Variants in CNTNAP2 observed in about 807,000 individuals in gnomAD.
The protein encoded by CNTNAP2 is contactin associated protein 2.
A neutral mutation model predicts 155.2 loss-of-function variants in CNTNAP2; 98 were observed. The observed-to-expected ratio is 0.63, with a 90% CI of 0.54 to 0.75. The LOEUF is 0.75. Ranked by LOEUF, CNTNAP2 falls within the 30% of genes least tolerant of loss-of-function variation. The pLI, the probability that CNTNAP2 is intolerant of heterozygous loss-of-function variation, is 0.00. For missense variants in CNTNAP2, 1,727 were observed against 1,688.1 expected (o/e 1.02, Z -0.40); for synonymous variants, 651 against 631.2 (o/e 1.03, Z -0.47).
At chr7:146,955,995 T>A (rs1235078753) in intron 3 of CNTNAP2, among the ~76,000 whole-genome samples, 4 of 151,910 alleles carry the variant, frequency 2.6e-5, no homozygotes, top group Non-Finnish European at 1.5e-5. Context: ...ATGTATACGT[T>A]TTTTTTCATT....
At chr7:147,462,726 G>C (rs1798045829) in intron 10 of CNTNAP2, among the ~76,000 whole-genome samples, 1 of 152,282 alleles carries the variant, frequency 6.6e-6, no homozygotes, top group Non-Finnish European at 1.5e-5. Context: ...GCTTAGTTGA[G>C]TATTCACATA....
Position 148,415,828 on chromosome 7 carries a change from C to A in CNTNAP2, c.*212C>A. ...TTTCTTTATAGCTGAGTTTTCCCTT[C>A]TGTATCAAAACAAAATAATACAAAA... is the stretch of plus-strand genomic sequence containing the variant. On this transcript the variant is annotated 3_prime_UTR_variant, in exon 24 of 24. Transcript: ENST00000361727. The A allele has an allele frequency of 1.6e-6, 1 of 617,412 alleles. No individual in the cohort carries two copies. The allele number at this position is 617,412 out of a possible 1,614,324, so 38.2% of individuals were successfully genotyped here. A position where few individuals can be genotyped will look rare whatever the true frequency, so the allele number is the denominator to read the frequency against.
intron 8 of CNTNAP2, among the ~76,000 whole-genome samples, chr7:147,144,275 T>C (rs1388522868): frequency 1.3e-5 from 2 of 152,174 alleles, no homozygotes; most frequent in African/African-American, 4.8e-5. Context: ...TAGAGTAACT[T>C]TATACGAGAC....
chr7:147,544,012 A>G (rs1274615624), intron 11 of CNTNAP2, among the ~76,000 whole-genome samples: 4 of 152,158 alleles, frequency 2.6e-5, no homozygotes, highest in Admixed American at 6.5e-5. Context: ...AATATTCTTC[A>G]TGTCATGGAA....
At chr7:147,772,842 GT>G (rs1256897629) in intron 13 of CNTNAP2, among the ~76,000 whole-genome samples, 2 of 151,936 alleles carry the variant, frequency 1.3e-5, no homozygotes, top group Non-Finnish European at 2.9e-5. Context: ...AACTCCAACG[GT>G]TCTCACACAA....
At chr7:147,519,444 G>T (rs530265271) in intron 11 of CNTNAP2, among the ~76,000 whole-genome samples, 2 of 152,278 alleles carry the variant, frequency 1.3e-5, no homozygotes, top group South Asian at 4.1e-4. Context: ...AATCACATCT[G>T]CAAAATCCCT....
At chr7:146,886,492 C>A (rs192178076) in intron 3 of CNTNAP2, among the ~76,000 whole-genome samples, 3 of 152,090 alleles carry the variant, frequency 2.0e-5, no homozygotes, top group Non-Finnish European at 4.4e-5. Flanking sequence ...CTAATCTTTG[C>A]CTCACAGATC....
intron 13 of CNTNAP2, among the ~76,000 whole-genome samples, chr7:147,848,756 T>C (rs1327941729): frequency 1.3e-5 from 2 of 151,992 alleles, no homozygotes; most frequent in Non-Finnish European, 2.9e-5. Flanking sequence ...CTGAAATAGT[T>C]CCAAATTACA....
At chr7:148,317,247 C>T (rs758898692) in intron 21 of CNTNAP2, among the ~76,000 whole-genome samples, 20 of 151,994 alleles carry the variant, frequency 1.3e-4, no homozygotes, top group Non-Finnish European at 2.4e-4. Context: ...CCCAGCTACT[C>T]GGGAGACTGA....
intron 21 of CNTNAP2, among the ~76,000 whole-genome samples, chr7:148,323,008 G>T (rs1297375728): frequency 6.6e-6 from 1 of 151,900 alleles, no homozygotes; most frequent in Non-Finnish European, 1.5e-5. Flanking sequence ...ATTCTTAGTG[G>T]CATTCATTTG....
Position 147,043,973 on chromosome 7 carries a change from C to G in CNTNAP2, c.469C>G (p.Arg157Gly), listed in dbSNP as rs577930923. 6.2e-7 allele frequency: 1 copy of G among 1,614,188 alleles called. No individual in the cohort carries two copies. The highest frequency in any genetic ancestry group is 8.5e-7 in the Non-Finnish European group (1 of 1,180,028). ...CGAATTACAGCATCCGATTATTGCC[C>G]GCTATGTGCGCATAGTGCCTCTGGA... ...RHELQHPIIA[R>G]YVRIVPLDWN... Residue 157 changes from arginine to glycine, a missense_variant, in exon 4 of 24, where the codon CGC (arginine) becomes GGC (glycine). Transcript: ENST00000361727.
At chr7:147,111,111 T>C (rs1259376173) in intron 5 of CNTNAP2, among the ~76,000 whole-genome samples, 2 of 152,232 alleles carry the variant, frequency 1.3e-5, no homozygotes, top group Non-Finnish European at 2.9e-5. Flanking sequence ...TTGATTTGCA[T>C]TTCTCTAATG....
chr7:147,938,224 C>CT (rs1166304314), intron 14 of CNTNAP2, among the ~76,000 whole-genome samples: 2 of 152,066 alleles, frequency 1.3e-5, no homozygotes, highest in Admixed American at 1.3e-4. Flanking sequence ...TGGGTCAACT[C>CT]TCAGCACTCG....
At chr7:147,701,552 G>A (rs914965981) in intron 13 of CNTNAP2, among the ~76,000 whole-genome samples, 1 of 152,190 alleles carries the variant, frequency 6.6e-6, no homozygotes. Context: ...AAGATCAGGC[G>A]AGAAATTTGT....
At chr7:146,868,575 C>G (rs1795248087) in intron 3 of CNTNAP2, among the ~76,000 whole-genome samples, 1 of 152,042 alleles carries the variant, frequency 6.6e-6, no homozygotes, top group Non-Finnish European at 1.5e-5. Flanking sequence ...AATTTGACAG[C>G]ATAGCATTGA....
intron 8 of CNTNAP2, among the ~76,000 whole-genome samples, chr7:147,299,341 C>T (rs967793198): frequency 6.6e-6 from 1 of 151,748 alleles, no homozygotes; most frequent in African/African-American, 2.4e-5. Flanking sequence ...AGCTAATGGA[C>T]AATTCAATCT....
intron 9 of CNTNAP2, among the ~76,000 whole-genome samples, chr7:147,343,211 T>C (rs1186919025): frequency 2.0e-5 from 3 of 152,128 alleles, no homozygotes; most frequent in Non-Finnish European, 4.4e-5. Context: ...GCTGCTGTTA[T>C]TCGTAACAGT....
intron 6 of CNTNAP2, among the ~76,000 whole-genome samples, chr7:147,127,538 C>T (rs1432453227): frequency 1.3e-5 from 2 of 152,070 alleles, no homozygotes; most frequent in East Asian, 1.9e-4. Flanking sequence ...AATATGAAGT[C>T]GTGATTTTTA....
At chr7:147,008,403 TTACTA>T (rs1798563208) in intron 3 of CNTNAP2, among the ~76,000 whole-genome samples, 1 of 152,130 alleles carries the variant, frequency 6.6e-6, no homozygotes, top group Admixed American at 6.6e-5. Flanking sequence ...ACACTTTAGT[TTACTA>T]TACCTGGTGT....
Sources: allele counts gnomAD v4.1 joint callset (sites outside exome capture counted in the v4.1 genomes callset), GRCh38; gene constraint gnomAD v4.1.1; transcripts MANE v1.5; gene names NCBI Gene and HGNC (gene_info 2026-07-23, HGNC 2026-07-21).